Variants in YPEL3 observed in about 807,000 individuals in gnomAD.
YPEL3 encodes yippee like 3.
YPEL3 carries 5 observed loss-of-function variants against 17.5 expected under a neutral mutation model. That is an observed-to-expected ratio of 0.29 (90% CI 0.15 to 0.60). The LOEUF is 0.60. YPEL3 is among the 20% of genes least tolerant of loss of function. The pLI, the probability that YPEL3 is intolerant of heterozygous loss-of-function variation, is 0.87. For synonymous variants in YPEL3, 87 were observed against 87.2 expected, an observed-to-expected ratio of 1.00 and a Z score of 0.01; for missense variants, 155 against 211.4, an observed-to-expected ratio of 0.73 and a Z score of 1.65.
intron 3 of YPEL3, chr16:30,093,642 C>T (rs1326976351): frequency 2.0e-5 from 3 of 151,524 alleles, no homozygotes; most frequent in South Asian, 2.1e-4. Flanking sequence ...CTCGCTCTGT[C>T]TCCGCTCACT....
chr16:30,094,779 G>T lies in YPEL3; in HGVS notation c.384+10C>A. 6.2e-7 allele frequency: 1 copy of T among 1,613,276 alleles called. No individual in the cohort carries two copies. Among genetic ancestry groups the T allele is most frequent in the Non-Finnish European group, 8.5e-7 (1 of 1,179,198 alleles). ...AAAGGCTAGCCTGGGGTCAGAGGTG[G>T]GTGACTCACATATTTCCAGCCCAAA... On this transcript the variant is annotated intron_variant, in intron 3 of 3. Coordinates refer to ENST00000398841, the MANE Select transcript of YPEL3 (RefSeq NM_031477.5).
At chr16:30,092,824 TC>T in intron 3 of YPEL3, 25 bp from the exon 4 acceptor site, 1 of 1,606,594 alleles carries the variant, frequency 6.2e-7, no homozygotes, top group Non-Finnish European at 8.5e-7. Context: ...GGGACCGTCA[TC>T]CCCGGAGCAA....
At chr16:30,093,070 C>T (rs2072752077) in intron 3 of YPEL3, among the ~76,000 whole-genome samples, 1 of 152,168 alleles carries the variant, frequency 6.6e-6, no homozygotes, top group Non-Finnish European at 1.5e-5. Context: ...GCTTCATGGC[C>T]ATTTTGGCCT....
chr16:30,095,180 G>A lies in YPEL3; in HGVS notation c.232-34C>T. 3 of 1,614,090 alleles carry A rather than the reference G, an allele frequency of 1.9e-6. No homozygotes were observed. Among genetic ancestry groups the A allele is most frequent in the Non-Finnish European group, 2.5e-6 (3 of 1,179,960 alleles). ...TGAGAGGGTGGGAAGAGAGGAGGGGGTCAGGGCTGCCGGTGGGGAGCTGCC... is the reference window on the plus strand; with the variant it reads ...TGAGAGGGTGGGAAGAGAGGAGGGGATCAGGGCTGCCGGTGGGGAGCTGCC... On this transcript the variant is annotated intron_variant, in intron 1 of 3. Coordinates refer to ENST00000398841, the MANE Select transcript of YPEL3 (RefSeq NM_031477.5). This position sits in a 1 kb window ranked among gnomAD's most constrained non-coding sequence, Gnocchi z 5.4.
intron 3 of YPEL3, among the ~76,000 whole-genome samples, chr16:30,093,350 C>G (rs969052720): frequency 2.6e-5 from 4 of 152,218 alleles, no homozygotes; most frequent in African/African-American, 9.7e-5. Context: ...GCAACCTCCG[C>G]TTCCCGGGTT....
chr16:30,096,208 G>C lies in YPEL3; in HGVS notation c.-726C>G, dbSNP rs1434352787. The C allele has an allele frequency of 6.7e-6, 1 of 150,294 alleles. No individual in the cohort carries two copies. The highest frequency in any genetic ancestry group is 1.5e-5 in the Non-Finnish European group (1 of 67,170). 9.3% of individuals were successfully genotyped at this position (150,294 alleles called of 1,614,324 possible). Reference sequence around the variant, plus strand: ...CCCGGGTTCGCAGGCGCCTGGACTTGTTTACACCGAGCCCAGCTGCTGCCG... The same window carrying C: ...CCCGGGTTCGCAGGCGCCTGGACTTCTTTACACCGAGCCCAGCTGCTGCCG... On this transcript the variant is annotated 5_prime_UTR_variant, in exon 1 of 4. Coordinates refer to ENST00000398841, the MANE Select transcript of YPEL3 (RefSeq NM_031477.5).
intron 3 of YPEL3, chr16:30,093,627 G>A (rs776698831): frequency 4.0e-5 from 6 of 151,708 alleles, no homozygotes; most frequent in African/African-American, 4.8e-5. Context: ...TTTTTGAAAC[G>A]GAGTCTCGCT....
intron 3 of YPEL3, 44 bp downstream of exon 3, chr16:30,094,745 G>T: frequency 6.4e-7 from 1 of 1,568,848 alleles, no homozygotes; most frequent in Non-Finnish European, 8.8e-7. Context: ...GGTGTTGGAA[G>T]GTCAGGTCAA....
Position 30,095,460 on chromosome 16 carries a change from G to A in YPEL3, c.23C>T (p.Thr8Ile). Residue 8 changes from threonine (T) to isoleucine (I), a missense_variant, in exon 1 of 4, where the codon ACA becomes ATA. Coordinates refer to ENST00000398841, the MANE Select transcript of YPEL3 (RefSeq NM_031477.5). The surrounding 1 kb of genome is among the most constrained non-coding windows in gnomAD (Gnocchi z 5.4). MCVAQVL[T>I]AHLLPPRQAL... ...CTGCCGGGGAGGGAGTAGGTGGGCT[G>A]TCAGGACCTGGGCCACACACATGCG... 6.4e-7 allele frequency: 1 copy of A among 1,558,148 alleles called. No individual in the cohort carries two copies. The highest frequency in any genetic ancestry group is 8.7e-7 in the Non-Finnish European group (1 of 1,153,228).
At chr16:30,094,441 T>A (rs1234340556) in intron 3 of YPEL3, 1 of 282,676 alleles carries the variant, frequency 3.5e-6, no homozygotes, top group East Asian at 9.7e-5. Flanking sequence ...TGTCTTCTTC[T>A]GTAGAGATAA....
Position 30,092,749 on chromosome 16 carries a change from A to C in YPEL3, c.435T>G (p.Ile145Met). 2 of 1,614,184 alleles carry C rather than the reference A, an allele frequency of 1.2e-6. No homozygotes were observed. Among genetic ancestry groups the C allele is most frequent in the Non-Finnish European group, 1.7e-6 (2 of 1,180,014 alleles). The change falls in exon 4 of 4, where the codon ATT (isoleucine) becomes ATG (methionine). Residue 145 changes from isoleucine to methionine, a missense_variant. Physicochemically the swap from Ile to Met is conservative, Grantham distance 10. Around this residue, in one of 3 missense-constraint regions of YPEL3, gnomAD observed 23 missense variants for 16.4 expected, o/e 1.40. Coordinates refer to ENST00000398841, the MANE Select transcript of YPEL3 (RefSeq NM_031477.5). The stretch of plus-strand genomic sequence containing the variant: ...TGTCTTTGATCATGTGGTTGAGTTC[A>C]ATGATGTACTTCCCCTCTTTGTACT... ...SQKYKEGKYI[I>M]ELNHMIKDNG...
At chr16:30,093,217 T>C (rs1218638330) in intron 3 of YPEL3, among the ~76,000 whole-genome samples, 1 of 152,210 alleles carries the variant, frequency 6.6e-6, no homozygotes, top group Non-Finnish European at 1.5e-5. Context: ...TGCTACCCTT[T>C]ACACATCTAC....
chr16:30,094,732 G>A (rs1335048731), intron 3 of YPEL3, 57 bp downstream of exon 3: 1 of 1,483,232 alleles, frequency 6.7e-7, no homozygotes, highest in East Asian at 2.3e-5. Context: ...CTTGTCAGGA[G>A]GAGGTGTTGG....
chr16:30,093,492 C>G (rs947409935), intron 3 of YPEL3, among the ~76,000 whole-genome samples: 3 of 152,016 alleles, frequency 2.0e-5, no homozygotes, highest in African/African-American at 7.2e-5. Context: ...AACTCCTGAC[C>G]TCAGGTGATC....
rs374762947 is a variant in YPEL3, at chr16:30,095,313, C to A, written c.170G>T (p.Arg57Leu). The change falls in exon 1 of 4, where the codon CGG (arginine) becomes CTG (leucine). Residue 57 changes from arginine to leucine, a missense_variant. Physicochemically the swap from Arg to Leu is moderately radical, Grantham distance 102. This residue lies in a region of YPEL3 where 74 missense variants were observed against 134.9 expected (regional missense o/e 0.55). Transcript: ENST00000398841. This position sits in a 1 kb window ranked among gnomAD's most constrained non-coding sequence, Gnocchi z 5.4. ...TFQAYLDDCH[R>L]RYSCAHCRAH... ...GCGGCAGTGGGCACAGCTATACCTC[C>A]GGTGACAATCATCCAAGTAGGCCTG... 1 of 1,614,210 alleles carries A rather than the reference C, an allele frequency of 6.2e-7. No homozygotes were observed. The highest frequency in any genetic ancestry group is 8.5e-7 in the Non-Finnish European group (1 of 1,180,024).
chr16:30,092,806 G>A lies in YPEL3; in HGVS notation c.385-7C>T. 6.2e-7 allele frequency: 1 copy of A among 1,613,706 alleles called. No homozygotes were observed. The stretch of plus-strand genomic sequence containing the variant: ...TGCTCTCAAAGGCCTGTTCCTGAAA[G>A]GAGGGGCGGGACCGTCATCCCCGGA... On this transcript the variant is annotated splice_region_variant and splice_polypyrimidine_tract_variant and intron_variant, in intron 3 of 3. Coordinates refer to ENST00000398841, the MANE Select transcript of YPEL3 (RefSeq NM_031477.5).
Position 30,096,205 on chromosome 16 carries a change from C to G in YPEL3, c.-723G>C, listed in dbSNP as rs1186145956. 2 of 150,258 alleles carry G rather than the reference C, an allele frequency of 1.3e-5. No individual in the cohort carries two copies. The highest frequency in any genetic ancestry group is 3.0e-5 in the Non-Finnish European group (2 of 67,148). The allele number at this position is 150,258 out of a possible 1,614,324, so 9.3% of individuals were successfully genotyped here. A position where few individuals can be genotyped will look rare whatever the true frequency, so the allele number is the denominator to read the frequency against. On this transcript the variant is annotated 5_prime_UTR_variant, in exon 1 of 4. Coordinates refer to ENST00000398841, the MANE Select transcript of YPEL3 (RefSeq NM_031477.5). Reference sequence around the variant, plus strand: ...GGGCCCGGGTTCGCAGGCGCCTGGACTTGTTTACACCGAGCCCAGCTGCTG... The same window carrying G: ...GGGCCCGGGTTCGCAGGCGCCTGGAGTTGTTTACACCGAGCCCAGCTGCTG...
chr16:30,092,701 G>A lies in YPEL3; in HGVS notation c.*9C>T, dbSNP rs201921579. ...CGGGCTGGAGCCACATGCGTCGGGGGAGCGGGGGTCAGTCCCAGCCGTTGT... is the reference window on the plus strand; with the variant it reads ...CGGGCTGGAGCCACATGCGTCGGGGAAGCGGGGGTCAGTCCCAGCCGTTGT... On this transcript the variant is annotated 3_prime_UTR_variant, in exon 4 of 4. Transcript: ENST00000398841. 1.4e-4 allele frequency: 220 copies of A among 1,613,900 alleles called. 2 individuals are homozygous for A. In the African/African-American group the frequency reaches 2.6e-3, roughly 19 times the overall value.
chr16:30,092,455 C>T lies in YPEL3; in HGVS notation c.*255G>A, dbSNP rs1173010259. The T allele has an allele frequency of 5.6e-6, 3 of 531,286 alleles. No homozygotes were observed. The highest frequency in any genetic ancestry group is 1.0e-5 in the Non-Finnish European group (3 of 295,586). 32.9% of individuals were successfully genotyped at this position (531,286 alleles called of 1,614,324 possible). A position where few individuals can be genotyped will look rare whatever the true frequency, so the allele number is the denominator to read the frequency against. On this transcript the variant is annotated 3_prime_UTR_variant, in exon 4 of 4. Transcript: ENST00000398841. ...CAGGAGAGCAGAACACAGGCCATAACTATAGGGCAGGTGGGGCAGGAACGG... is the reference window on the plus strand; with the variant it reads ...CAGGAGAGCAGAACACAGGCCATAATTATAGGGCAGGTGGGGCAGGAACGG...
Sources: allele counts gnomAD v4.1 joint callset (sites outside exome capture counted in the v4.1 genomes callset), GRCh38; gene constraint gnomAD v4.1.1; regional missense constraint gnomAD v4.1.1; non-coding constraint Gnocchi (gnomAD v3.1); transcripts MANE v1.5; gene names NCBI Gene and HGNC (gene_info 2026-07-23, HGNC 2026-07-21).